RBPMS2: variants seen among roughly 807,000 people sequenced by gnomAD.
The protein encoded by RBPMS2 is RNA binding protein, mRNA processing factor 2, also known as RNA-binding protein with multiple splicing 2.
In RBPMS2, 14 loss-of-function variants were observed where a neutral mutation model predicts 25.7. The observed-to-expected ratio is 0.55, with a 90% confidence interval of 0.36 to 0.85. The LOEUF (loss-of-function observed/expected upper bound fraction) is 0.85, where lower values mean the gene tolerates loss of function less well. Among genes scored for constraint, RBPMS2 ranks in the 40% least tolerant of loss-of-function variants. The probability of loss-of-function intolerance (pLI) is 0.01; values close to 1 mark genes in which losing one functional copy is unlikely to be tolerated. For missense variants in RBPMS2, 252 were observed against 283.4 expected (o/e 0.89, Z 0.80); for synonymous variants, 127 against 115.6 (o/e 1.10, Z -0.63).
At chr15:64,773,511 G>A (rs2083906546) in intron 1 of RBPMS2, among the ~76,000 whole-genome samples, 2 of 152,178 alleles carry the variant, frequency 1.3e-5, no homozygotes, top group African/African-American at 4.8e-5. Flanking sequence ...TCCACTTTTT[G>A]AGAATCCTGC....
intron 6 of RBPMS2, 127 bp from the exon 7 acceptor site, chr15:64,741,369 G>A: frequency 2.8e-6 from 2 of 711,168 alleles, no homozygotes; most frequent in Non-Finnish European, 4.9e-6. Context: ...GCACATTTTG[G>A]GCCAGTTACT....
chr15:64,750,277 GGCCCTT>G, intron 3 of RBPMS2, 60 bp downstream of exon 3: 1 of 1,375,688 alleles, frequency 7.3e-7, no homozygotes. Flanking sequence ...AGGGTTAACG[GGCCCTT>G]GTTTGAAGCT....
chr15:64,774,688 G>T (rs984129925), intron 1 of RBPMS2, among the ~76,000 whole-genome samples: 14 of 146,710 alleles, frequency 9.5e-5, no homozygotes, highest in African/African-American at 3.5e-4. Context: ...GGGCTGTGAA[G>T]AAAGCCCGCC....
intron 6 of RBPMS2, 104 bp from the exon 7 acceptor site, chr15:64,741,346 C>T: frequency 1.1e-6 from 1 of 869,790 alleles, no homozygotes; most frequent in African/African-American, 1.7e-5. Context: ...CTGGTTCTGT[C>T]ACTGATTGGC....
chr15:64,750,643 T>C (rs1595787276), intron 2 of RBPMS2, among the ~76,000 whole-genome samples: 1 of 152,226 alleles, frequency 6.6e-6, no homozygotes, highest in East Asian at 1.9e-4. Context: ...CACTAACTAG[T>C]AACCCGAGAG....
chr15:64,749,525 C>T (rs1439544936), intron 3 of RBPMS2, 32 bp from the exon 4 acceptor site: 3 of 1,572,384 alleles, frequency 1.9e-6, no homozygotes, highest in Non-Finnish European at 2.6e-6. Flanking sequence ...ACCCTTATAT[C>T]TCTCCTAGCA....
intron 6 of RBPMS2, among the ~76,000 whole-genome samples, chr15:64,741,972 C>T (rs1301527599): frequency 6.6e-6 from 1 of 152,196 alleles, no homozygotes; most frequent in Admixed American, 6.5e-5. Context: ...TCGAGACCAG[C>T]CTGACCAATA....
intron 5 of RBPMS2, 51 bp from the exon 6 acceptor site, chr15:64,748,618 CAA>C (rs1229197008): frequency 5.3e-6 from 8 of 1,507,328 alleles, no homozygotes; most frequent in Admixed American, 4.6e-5. Context: ...CCTCCCCTTC[CAA>C]ACGGAGAAGG....
intron 1 of RBPMS2, among the ~76,000 whole-genome samples, chr15:64,762,823 C>T (rs2083802652): frequency 6.6e-6 from 1 of 152,172 alleles, no homozygotes; most frequent in South Asian, 2.1e-4. Flanking sequence ...AGCCACCATC[C>T]TCCATCTGCT....
chr15:64,758,118 T>C (rs999209692), intron 1 of RBPMS2, among the ~76,000 whole-genome samples: 6 of 152,176 alleles, frequency 3.9e-5, no homozygotes, highest in African/African-American at 1.2e-4. Flanking sequence ...ATTCAGCACA[T>C]ACACAAAACG....
chr15:64,749,325 G>T, intron 4 of RBPMS2, 106 bp downstream of exon 4: 2 of 1,322,108 alleles, frequency 1.5e-6, no homozygotes, highest in Non-Finnish European at 2.2e-6. Context: ...CACAGACAGT[G>T]TCGCCAAGGA....
intron 1 of RBPMS2, among the ~76,000 whole-genome samples, chr15:64,772,891 C>A (rs1401835678): frequency 6.6e-6 from 1 of 152,114 alleles, no homozygotes; most frequent in African/African-American, 2.4e-5. Context: ...AAACTTAATG[C>A]GTATGACATG....
intron 1 of RBPMS2, among the ~76,000 whole-genome samples, chr15:64,755,997 G>A (rs1365986191): frequency 6.6e-6 from 1 of 152,062 alleles, no homozygotes; most frequent in Non-Finnish European, 1.5e-5. Flanking sequence ...TGGCCGTTAG[G>A]ACCCCTCGCC....
chr15:64,775,187 G>T (rs1034695192), intron 1 of RBPMS2, 46 bp downstream of exon 1: 6 of 1,052,062 alleles, frequency 5.7e-6, no homozygotes, highest in Non-Finnish European at 7.0e-6. Flanking sequence ...TCCCGCGCCC[G>T]CCTGGCGTGC....
intron 6 of RBPMS2, among the ~76,000 whole-genome samples, chr15:64,746,913 T>C (rs907082547): frequency 2.0e-5 from 3 of 152,144 alleles, no homozygotes; most frequent in Admixed American, 6.5e-5. Flanking sequence ...TTCCAGTGCC[T>C]CCCAGGGCCT....
At chr15:64,750,113 C>A (rs72744734) in intron 3 of RBPMS2, among the ~76,000 whole-genome samples, 7,313 of 151,810 alleles carry the variant, frequency 0.048, 224 homozygotes, top group South Asian at 0.089. Flanking sequence ...GCCAGCGGGG[C>A]TCCCAGATTC....
intron 6 of RBPMS2, among the ~76,000 whole-genome samples, chr15:64,744,041 G>C (rs2083589799): frequency 6.6e-6 from 1 of 151,872 alleles, no homozygotes; most frequent in South Asian, 2.1e-4. Flanking sequence ...CCAGGAGGCA[G>C]AGGTTGCAAA....
intron 6 of RBPMS2, among the ~76,000 whole-genome samples, chr15:64,744,499 G>A (rs1215897337): frequency 2.7e-5 from 4 of 150,420 alleles, no homozygotes; most frequent in Admixed American, 6.6e-5. Flanking sequence ...CGGAGGTTGA[G>A]GTGAGCTAAG....
rs769087353 is a variant in RBPMS2 at position 64,749,069 on chromosome 15, G to T, written c.349C>A (p.Leu117Ile). 13 of 1,614,116 alleles carry T rather than the reference G, an allele frequency of 8.1e-6. No individual in the cohort carries two copies. The highest frequency in any genetic ancestry group is 1.1e-5 in the Non-Finnish European group (13 of 1,180,050). Residue 117 changes from leucine to isoleucine, a missense_variant, in exon 5 of 8, where the codon CTA (leucine) becomes ATA (isoleucine). Physicochemically the swap from Leu to Ile is conservative, Grantham distance 5. Transcript: ENST00000300069. ...KANTKMAKSK[L>I]MATPNPSNVH... ...TTGCTGGGATTTGGAGTTGCCATTA[G>T]CTTGCTCTTGGCCATCTTGGTGTTG...
Sources: gnomAD v4.1 joint callset for allele counts (sites outside exome capture counted in the v4.1 genomes callset) on GRCh38, gnomAD v4.1.1 for gene constraint, MANE v1.5 for transcripts, NCBI Gene and HGNC (gene_info 2026-07-23, HGNC 2026-07-21) for gene names.